The following UBR4 variants were observed in gnomAD, a reference collection of about 807,000 sequenced individuals.
UBR4 encodes E3 ubiquitin-protein ligase UBR4.
A neutral mutation model predicts 575.6 loss-of-function variants in UBR4; 124 were observed. The observed-to-expected ratio is 0.22, with a 90% CI of 0.19 to 0.25. UBR4 has a LOEUF of 0.25. UBR4 is among the 10% of genes least tolerant of loss of function. The probability of loss-of-function intolerance (pLI) is 1.00; values close to 1 mark genes in which losing one functional copy is unlikely to be tolerated. For synonymous variants in UBR4, 2,455 were observed against 2,473.7 expected, an observed-to-expected ratio of 0.99 and a Z score of 0.22; for missense variants, 4,818 against 6,478.8, an observed-to-expected ratio of 0.74 and a Z score of 8.80.
chr1:19,167,323 A>G (rs2088669868), intron 28 of UBR4, 92 bp from the exon 29 acceptor site: 2 of 1,418,030 alleles, frequency 1.4e-6, no homozygotes, highest in Admixed American at 3.7e-5. Flanking sequence ...TTGCCGGGGA[A>G]GAGGGGAAGG....
At chr1:19,169,571 A>G in intron 26 of UBR4, 39 bp from the exon 27 acceptor site, 1 of 1,574,364 alleles carries the variant, frequency 6.4e-7, no homozygotes, top group South Asian at 1.1e-5. Context: ...ATCACAAGAA[A>G]GAAGGAACGA....
chr1:19,083,925 C>T (rs1272397681), intron 102 of UBR4, among the ~76,000 whole-genome samples: 1 of 152,180 alleles, frequency 6.6e-6, no homozygotes, highest in African/African-American at 2.4e-5. Flanking sequence ...CCTTCCTTGT[C>T]GGTTGACTTT....
intron 22 of UBR4, among the ~76,000 whole-genome samples, chr1:19,174,058 T>C (rs540068472): frequency 6.6e-6 from 1 of 152,272 alleles, no homozygotes; most frequent in South Asian, 2.1e-4. Flanking sequence ...CAACCAGTAT[T>C]GACAGGAGAT....
chr1:19,154,887 C>A (rs754715413), intron 44 of UBR4, 31 bp downstream of exon 44: 3 of 1,612,920 alleles, frequency 1.9e-6, no homozygotes, highest in Non-Finnish European at 2.5e-6. Flanking sequence ...GTGGACATTG[C>A]GGAAGTTGAA....
chr1:19,196,668 G>A (rs1361789673), intron 8 of UBR4, among the ~76,000 whole-genome samples: 1 of 152,162 alleles, frequency 6.6e-6, no homozygotes, highest in Non-Finnish European at 1.5e-5. Flanking sequence ...GATACCACCT[G>A]TTCCACGAAG....
Position 19,169,550 on chromosome 1 carries a change from G to A in UBR4, c.3644-18C>T, listed in dbSNP as rs771361402. On this transcript the variant is annotated intron_variant, in intron 26 of 105. Coordinates refer to ENST00000375254, the MANE Select transcript of UBR4 (RefSeq NM_020765.3). ...TGTCGGACCTGGAGGCGACAGAAAG[G>A]ACAAGGAATCATCACAAGAAAGAAG... is the stretch of plus-strand genomic sequence containing the variant. 3 of 1,605,836 alleles carry A rather than the reference G, an allele frequency of 1.9e-6. No homozygotes were observed. The South Asian group carries it at 3.3e-5, about 18-fold the overall frequency.
chr1:19,190,310 A>ATATATATAT (rs1420680603), intron 11 of UBR4, among the ~76,000 whole-genome samples: 17 of 78,032 alleles, frequency 2.2e-4, no homozygotes, highest in Non-Finnish European at 4.3e-4. Flanking sequence ...AAAAAAAAAA[A>ATATATATAT]AAATATATAT....
Position 19,173,246 on chromosome 1 carries a change from A to C in UBR4, c.3226T>G (p.Ser1076Ala). The C allele has an allele frequency of 6.2e-7, 1 of 1,614,218 alleles. No homozygotes were observed. The highest frequency in any genetic ancestry group is 8.5e-7 in the Non-Finnish European group (1 of 1,180,038). ...TTCACTGAGCTACACTTAGTGGTGG[A>C]TGCCAGTTCTAGAAGCGAGCTAGCA... ...EHASSLLELA[S>A]TTKCSSVKYD... Residue 1076 changes from serine to alanine, a missense_variant, in exon 24 of 106, where the codon TCC (serine) becomes GCC (alanine). Ser to Ala is a moderately conservative substitution (Grantham distance 99). Coordinates refer to ENST00000375254, the MANE Select transcript of UBR4 (RefSeq NM_020765.3).
chr1:19,197,053 G>C (rs1024664186), intron 8 of UBR4, 88 bp downstream of exon 8: 11 of 1,490,220 alleles, frequency 7.4e-6, no homozygotes, highest in Non-Finnish European at 1.0e-5. Context: ...AGGGGGATGA[G>C]TAGAGTATTC....
chr1:19,151,607 T>G (rs1189357349), intron 48 of UBR4, 36 bp downstream of exon 48: 1 of 1,611,542 alleles, frequency 6.2e-7, no homozygotes, highest in East Asian at 2.2e-5. Context: ...GCAGTCACAA[T>G]GAGGACAGAG....
chr1:19,126,090 C>T (rs200640770), intron 64 of UBR4, among the ~76,000 whole-genome samples: 2 of 152,222 alleles, frequency 1.3e-5, no homozygotes, highest in African/African-American at 2.4e-5. Context: ...TTAATAAGTA[C>T]GTTAAAGGGC....
chr1:19,124,578 G>A lies in UBR4; in HGVS notation c.9551C>T (p.Pro3184Leu), dbSNP rs1428821198. The stretch of plus-strand genomic sequence containing the variant: ...GTAAAACCACGAGTGGTCAAAGACA[G>A]GAGGTGGGATTCGAGAATTGGTGTC... The part of the protein sequence containing the change: ...ITDTNSRIPP[P>L]VFDHSWFYFL... Residue 3184 changes from proline to leucine, a missense_variant, in exon 65 of 106, where the codon CCT (proline) becomes CTT (leucine). By Grantham distance (98) the Pro-to-Leu change is moderately conservative. Transcript: ENST00000375254. 18 of 1,614,096 alleles carry A rather than the reference G, an allele frequency of 1.1e-5. No homozygotes were observed. Among genetic ancestry groups the A allele is most frequent in the African/African-American group, 4.0e-5 (3 of 74,932 alleles).
rs760560165 is a variant in UBR4 at position 19,173,278 on chromosome 1, G to A, written c.3194C>T (p.Ala1065Val). 2 of 1,614,194 alleles carry A rather than the reference G, an allele frequency of 1.2e-6. No homozygotes were observed. The highest frequency in any genetic ancestry group is 2.2e-5 in the South Asian group (2 of 91,086). Residue 1065 changes from alanine to valine, a missense_variant, in exon 24 of 106, where the codon GCT (alanine) becomes GTT (valine). Coordinates refer to ENST00000375254, the MANE Select transcript of UBR4 (RefSeq NM_020765.3). ...TTCTAGAAGCGAGCTAGCATGCTCA[G>A]CCTTCATTCCCTGTTTGATAAGGTG... ...KDHLIKQGMK[A>V]EHASSLLELA...
intron 29 of UBR4, among the ~76,000 whole-genome samples, chr1:19,166,741 A>C (rs1338651292): frequency 3.0e-5 from 3 of 100,030 alleles, no homozygotes; most frequent in Non-Finnish European, 4.4e-5. Context: ...AAAAAAAAAA[A>C]AAAAAAAAAA....
At chr1:19,192,776 A>G (rs2092192313) in intron 9 of UBR4, among the ~76,000 whole-genome samples, 1 of 150,498 alleles carries the variant, frequency 6.6e-6, no homozygotes, top group South Asian at 2.1e-4. Context: ...GCCCAGCTCC[A>G]CATCAGATCA....
chr1:19,149,894 C>T (rs1011636930), intron 49 of UBR4: 64 of 951,744 alleles, frequency 6.7e-5, no homozygotes, highest in Non-Finnish European at 7.9e-5. Context: ...GATAGGGCAT[C>T]GGGGAAAAAG....
intron 55 of UBR4, among the ~76,000 whole-genome samples, chr1:19,142,535 A>T (rs2150024013): frequency 6.6e-6 from 1 of 152,370 alleles, no homozygotes; most frequent in African/African-American, 2.4e-5. Flanking sequence ...GGCAAGATAA[A>T]TGATATGCAA....
intron 60 of UBR4, among the ~76,000 whole-genome samples, chr1:19,133,188 A>C (rs572089880): frequency 6.6e-6 from 1 of 152,342 alleles, no homozygotes; most frequent in East Asian, 1.9e-4. Context: ...AAAATTAGCA[A>C]ATCAGGTCAC....
intron 17 of UBR4, among the ~76,000 whole-genome samples, chr1:19,182,413 C>T (rs977730462): frequency 9.9e-5 from 15 of 151,732 alleles, no homozygotes; most frequent in Admixed American, 1.3e-4. Context: ...TATTTGCAGG[C>T]GCAATCATAG....
Sources: allele counts gnomAD v4.1 joint callset (sites outside exome capture counted in the v4.1 genomes callset), GRCh38; gene constraint gnomAD v4.1.1; transcripts MANE v1.5; gene names NCBI Gene and HGNC (gene_info 2026-07-23, HGNC 2026-07-21).